The following GOLGA5 variants were observed in gnomAD, a reference collection of about 807,000 sequenced individuals.
GOLGA5 encodes golgin subfamily A member 5.
Under a neutral mutation model 93.5 loss-of-function variants are expected in GOLGA5, and 50 were observed. The ratio of observed to expected loss-of-function variants is 0.53; its 90% CI spans 0.43 to 0.68. GOLGA5 has a LOEUF of 0.68. Ranked by LOEUF, GOLGA5 falls within the 30% of genes least tolerant of loss-of-function variation. GOLGA5 has a pLI of 0.00. For synonymous variants in GOLGA5, 312 were observed against 304.5 expected (o/e 1.02, Z -0.26); for missense variants, 760 against 856.4 (o/e 0.89, Z 1.40).
intron 3 of GOLGA5, among the ~76,000 whole-genome samples, chr14:92,808,836 G>A (rs1465212434): frequency 6.6e-6 from 1 of 152,100 alleles, no homozygotes; most frequent in Admixed American, 6.5e-5. Context: ...GCACTACTTT[G>A]CTCTTTTTGC....
At chr14:92,812,065 A>G (rs1885114706) in intron 6 of GOLGA5, among the ~76,000 whole-genome samples, 1 of 152,058 alleles carries the variant, frequency 6.6e-6, no homozygotes. Context: ...CTCCTATTGA[A>G]TTTTTGCAGC....
chr14:92,801,965 TC>T (rs1228994896), intron 2 of GOLGA5, among the ~76,000 whole-genome samples: 2 of 152,216 alleles, frequency 1.3e-5, no homozygotes, highest in African/African-American at 4.8e-5. Context: ...TAGGGTAGCT[TC>T]TTCCACCTTG....
intron 4 of GOLGA5, 104 bp from the exon 5 acceptor site, chr14:92,810,150 T>A: frequency 4.0e-6 from 3 of 749,328 alleles, no homozygotes; most frequent in Non-Finnish European, 6.6e-6. Context: ...TCAGTCAAAT[T>A]ATCTTTTTTG....
intron 2 of GOLGA5, among the ~76,000 whole-genome samples, chr14:92,798,658 GTAATCC>G (rs1231703000): frequency 1.3e-5 from 2 of 152,234 alleles, no homozygotes; most frequent in African/African-American, 4.8e-5. Context: ...GCTTACACCT[GTAATCC>G]GAGCACTTTG....
In GOLGA5 at chr14:92,809,518, C is replaced by T. The variant is rs1175511122; in HGVS notation, c.991C>T (p.Arg331Ter). The change falls in exon 4 of 13, where the codon CGA (arginine) becomes TGA (stop). Residue 331 changes from arginine to a stop codon, truncating the protein, a stop_gained and splice_region_variant. Coordinates refer to ENST00000163416, the MANE Select transcript of GOLGA5 (RefSeq NM_005113.4). LOFTEE classifies it high-confidence loss of function. Reference protein sequence around the residue: ...ALEALQSEKSRIMQDQSEGNS... With the variant: ...ALEALQSEKS Reference sequence around the variant, plus strand: ...AGAAGCCTTACAGAGTGAAAAATCACGGTAGGTGATTCTATGAATAATGAA... The same window carrying T: ...AGAAGCCTTACAGAGTGAAAAATCATGGTAGGTGATTCTATGAATAATGAA... 1 of 1,583,520 alleles carries T rather than the reference C, an allele frequency of 6.3e-7. No individual in the cohort carries two copies. Among genetic ancestry groups the T allele is most frequent in the Non-Finnish European group, 8.7e-7 (1 of 1,152,996 alleles).
At chr14:92,806,319 A>AT (rs1052413243) in intron 2 of GOLGA5, among the ~76,000 whole-genome samples, 51 of 151,888 alleles carry the variant, frequency 3.4e-4, no homozygotes, top group Non-Finnish European at 5.2e-4. Flanking sequence ...TTATTTATGT[A>AT]TTTTTTTTGA....
In GOLGA5 at chr14:92,835,668, A is replaced by G. The variant is rs1885626776; in HGVS notation, c.2051+4A>G. 6.4e-7 allele frequency: 1 copy of G among 1,559,174 alleles called. No homozygotes were observed. Among genetic ancestry groups the G allele is most frequent in the East Asian group, 2.2e-5 (1 of 44,548 alleles). On this transcript the variant is annotated splice_donor_region_variant and intron_variant, in intron 11 of 12. Coordinates refer to ENST00000163416, the MANE Select transcript of GOLGA5 (RefSeq NM_005113.4). ...CTAGTTCAATTGATCAGTTTAGGTA[A>G]GCAATGCCAGTAGGGATGAGTGATG...
intron 8 of GOLGA5, among the ~76,000 whole-genome samples, chr14:92,821,617 A>G (rs965796217): frequency 2.0e-5 from 3 of 152,196 alleles, no homozygotes; most frequent in Admixed American, 2.0e-4. Flanking sequence ...CTTTACTGTT[A>G]GTATTTCCAT....
At chr14:92,799,443 ATT>A (rs386382181) in intron 2 of GOLGA5, among the ~76,000 whole-genome samples, 1 of 131,264 alleles carries the variant, frequency 7.6e-6, no homozygotes, top group Non-Finnish European at 1.6e-5. Flanking sequence ...CGCCTGGCTA[ATT>A]TTTTTTTTTT....
intron 8 of GOLGA5, 68 bp from the exon 9 acceptor site, chr14:92,824,477 AT>A (rs1463188634): frequency 2.7e-6 from 2 of 743,872 alleles, no homozygotes; most frequent in African/African-American, 3.5e-5. Flanking sequence ...CCAGGCACTG[AT>A]TTAGGTACTG....
rs763505759 is a variant in GOLGA5, at chr14:92,833,993, CT to C, written c.1945+658del. Among the ~76,000 whole-genome samples, 489 of 131,612 alleles carry C rather than the reference CT, an allele frequency of 3.7e-3. 4 individuals are homozygous for C. Among genetic ancestry groups the C allele is most frequent in the South Asian group, 5.6e-3 (23 of 4,116 alleles). 86.3% of individuals were successfully genotyped at this position (131,612 alleles called of 152,430 possible). A position where few individuals can be genotyped will look rare whatever the true frequency, so the allele number is the denominator to read the frequency against. On this transcript the variant is annotated intron_variant, in intron 10 of 12. Transcript: ENST00000163416. ...AAGACCTCGTTGAAAAGTGTCACTT[CT>C]TTTTTTTTTTTAATGTATAATTATC...
chr14:92,823,421 C>CT (rs35108001), intron 8 of GOLGA5, among the ~76,000 whole-genome samples: 104,214 of 146,382 alleles, frequency 0.71, 37,232 homozygotes, highest in East Asian at 0.81. Context: ...TTTTTCTTTT[C>CT]TTTTTTTTTT....
rs1391667606 is a variant in GOLGA5 at position 92,816,271 on chromosome 14, C to T, written c.1341C>T (p.Asn447=). The change falls in exon 7 of 13, where the codon AAC becomes AAT. Residue 447 remains asparagine (N), a synonymous_variant. Coordinates refer to ENST00000163416, the MANE Select transcript of GOLGA5 (RefSeq NM_005113.4). ...AATAGTCTAAGGAAAAATTGATTAACAGCTTGAAAGAAGGCTCTGGTTTTG... is the reference window on the plus strand; with the variant it reads ...AATAGTCTAAGGAAAAATTGATTAATAGCTTGAAAGAAGGCTCTGGTTTTG... The part of the protein sequence containing the change: ...RILQSKEKLI[N]SLKEGSGFEG... 1.2e-6 allele frequency: 2 copies of T among 1,612,272 alleles called. No individual in the cohort carries two copies. The highest frequency in any genetic ancestry group is 2.2e-5 in the South Asian group (2 of 90,854).
Position 92,809,388 on chromosome 14 carries a change from A to G in GOLGA5, c.861A>G (p.Val287=). Residue 287 remains valine (V), a synonymous_variant, in exon 4 of 13, where the codon GTA becomes GTG. Coordinates refer to ENST00000163416, the MANE Select transcript of GOLGA5 (RefSeq NM_005113.4). ...DRMTRGLRAQ[V]DDLTEAVAAK... ...TGACTCGAGGACTCCGAGCCCAAGT[A>G]GATGACCTGACTGAAGCTGTGGCTG... The G allele has an allele frequency of 6.2e-7, 1 of 1,613,638 alleles. No homozygotes were observed. The highest frequency in any genetic ancestry group is 8.5e-7 in the Non-Finnish European group (1 of 1,179,536).
At chr14:92,799,832 C>G (rs1884829798) in intron 2 of GOLGA5, among the ~76,000 whole-genome samples, 1 of 151,886 alleles carries the variant, frequency 6.6e-6, no homozygotes, top group Non-Finnish European at 1.5e-5. Context: ...GTCTTGAACT[C>G]CGGACCTCAA....
At chr14:92,802,673 A>G (rs911925315) in intron 2 of GOLGA5, among the ~76,000 whole-genome samples, 21 of 151,800 alleles carry the variant, frequency 1.4e-4, no homozygotes, top group African/African-American at 4.8e-4. Context: ...TTTTTCCTCT[A>G]CCCTTGGAGA....
At chr14:92,799,138 T>A (rs1332219377) in intron 2 of GOLGA5, among the ~76,000 whole-genome samples, 2 of 152,108 alleles carry the variant, frequency 1.3e-5, no homozygotes, top group Non-Finnish European at 2.9e-5. Context: ...CAGCTAATTT[T>A]AAAAAATTAT....
intron 1 of GOLGA5, among the ~76,000 whole-genome samples, chr14:92,794,747 C>G (rs902213854): frequency 6.6e-6 from 1 of 152,188 alleles, no homozygotes; most frequent in East Asian, 1.9e-4. Flanking sequence ...TGCTCGCTTA[C>G]CTGAGATTCC....
Position 92,808,201 on chromosome 14 carries a change from C to T in GOLGA5, c.773-1099C>T, listed in dbSNP as rs183237279. Among the ~76,000 whole-genome samples, 7 of 152,110 alleles carry T rather than the reference C, an allele frequency of 4.6e-5. No homozygotes were observed. The South Asian group carries it at 8.3e-4, about 18-fold the overall frequency. ...GGTGGAGGTTGCAGTGAGCCGAGAT[C>T]GTGCCACTGCATTCCAGCCTGAGCT... On this transcript the variant is annotated intron_variant, in intron 3 of 12. Coordinates refer to ENST00000163416, the MANE Select transcript of GOLGA5 (RefSeq NM_005113.4).
Sources: gnomAD v4.1 joint callset for allele counts (sites outside exome capture counted in the v4.1 genomes callset) on GRCh38, gnomAD v4.1.1 for gene constraint, MANE v1.5 for transcripts, NCBI Gene and HGNC (gene_info 2026-07-23, HGNC 2026-07-21) for gene names.